MKX: variants seen among roughly 807,000 people sequenced by gnomAD.
The protein encoded by MKX is homeobox protein Mohawk.
Under a neutral mutation model 36.0 loss-of-function variants are expected in MKX, and 13 were observed. That is an observed-to-expected ratio of 0.36 (90% CI 0.24 to 0.57). The LOEUF is 0.57. Ranked by LOEUF, MKX falls within the 20% of genes least tolerant of loss-of-function variation. MKX has a pLI of 0.79. For synonymous variants in MKX, 176 were observed against 178.3 expected, an observed-to-expected ratio of 0.99 and a Z score of 0.10; for missense variants, 458 against 456.4, an observed-to-expected ratio of 1.00 and a Z score of -0.03.
intron 5 of MKX, among the ~76,000 whole-genome samples, chr10:27,693,955 G>A (rs1245449937): frequency 6.6e-6 from 1 of 152,106 alleles, no homozygotes; most frequent in East Asian, 1.9e-4. Context: ...TCATGGTAGT[G>A]AATAAGTCTC....
intron 5 of MKX, among the ~76,000 whole-genome samples, chr10:27,714,150 G>A (rs959849000): frequency 2.6e-5 from 4 of 152,090 alleles, no homozygotes; most frequent in Non-Finnish European, 4.4e-5. Flanking sequence ...AACCAGGCTC[G>A]CTGGTACTAC....
intron 5 of MKX, among the ~76,000 whole-genome samples, chr10:27,691,606 A>C (rs1483282719): frequency 6.6e-6 from 1 of 152,198 alleles, no homozygotes; most frequent in Non-Finnish European, 1.5e-5. Context: ...TTTGTTACAC[A>C]GGTATATTGT....
chr10:27,730,887 C>G (rs189683516), intron 5 of MKX, among the ~76,000 whole-genome samples: 3 of 151,980 alleles, frequency 2.0e-5, no homozygotes, highest in Non-Finnish European at 4.4e-5. Flanking sequence ...GTAATCCCAG[C>G]ACTTTGGGAG....
chr10:27,687,449 G>A (rs768461974), intron 5 of MKX, among the ~76,000 whole-genome samples: 2 of 152,148 alleles, frequency 1.3e-5, no homozygotes, highest in East Asian at 1.9e-4. Flanking sequence ...CCAATGCCTC[G>A]GGTCGATGTG....
intron 5 of MKX, among the ~76,000 whole-genome samples, chr10:27,706,417 C>T (rs546960594): frequency 1.3e-5 from 2 of 152,220 alleles, no homozygotes; most frequent in South Asian, 4.1e-4. Context: ...ATTGCTGGAT[C>T]ATATGTCAAC....
At chr10:27,690,979 C>T (rs1836443861) in intron 5 of MKX, among the ~76,000 whole-genome samples, 1 of 152,112 alleles carries the variant, frequency 6.6e-6, no homozygotes, top group Non-Finnish European at 1.5e-5. Flanking sequence ...ATTTTCCCTG[C>T]TCTTGCTCAC....
intron 5 of MKX, among the ~76,000 whole-genome samples, chr10:27,719,485 T>C (rs1034896770): frequency 1.3e-5 from 2 of 152,072 alleles, no homozygotes; most frequent in Non-Finnish European, 2.9e-5. Context: ...CTACAAATGC[T>C]CTTTAAATAG....
chr10:27,693,715 G>A (rs1220348653), intron 5 of MKX, among the ~76,000 whole-genome samples: 2 of 152,188 alleles, frequency 1.3e-5, no homozygotes, highest in Non-Finnish European at 2.9e-5. Context: ...AAAAGTTACT[G>A]ATTTAGAGAA....
Position 27,685,443 on chromosome 10 carries a change from ATTT to A in MKX, c.839-9892_839-9890del, listed in dbSNP as rs529959736. ...TCTTCTTTATACTTTCAGCAGAGTG[ATTT>A]TTTTTTTTTTTTTTTTTTTTGAGAC... On this transcript the variant is annotated intron_variant, in intron 5 of 6. Coordinates refer to ENST00000419761, the MANE Select transcript of MKX (RefSeq NM_173576.3). Among the ~76,000 whole-genome samples the A allele has an allele frequency of 3.1e-3, 345 of 112,818 alleles. 2 individuals carry two copies. The highest frequency in any genetic ancestry group is 9.3e-3 in the Middle Eastern group (2 of 214). 74.0% of individuals were successfully genotyped at this position (112,818 alleles called of 152,430 possible).
intron 5 of MKX, among the ~76,000 whole-genome samples, chr10:27,724,333 T>G (rs986076571): frequency 6.6e-6 from 1 of 152,080 alleles, no homozygotes; most frequent in East Asian, 1.9e-4. Context: ...CCGGAAGACA[T>G]GAAAAAAGTG....
intron 5 of MKX, 110 bp downstream of exon 5, chr10:27,734,346 A>G (rs1225030779): frequency 2.1e-6 from 2 of 963,292 alleles, no homozygotes; most frequent in African/African-American, 3.3e-5. Flanking sequence ...TATGGGCAAT[A>G]TGTGAATAAT....
chr10:27,685,401 A>T (rs1002050049), intron 5 of MKX, among the ~76,000 whole-genome samples: 5 of 151,870 alleles, frequency 3.3e-5, no homozygotes, highest in Admixed American at 6.6e-5. Context: ...AGGGAATTCA[A>T]GTAAGTTGTC....
intron 5 of MKX, among the ~76,000 whole-genome samples, chr10:27,697,718 C>T (rs1348935053): frequency 1.3e-5 from 2 of 152,208 alleles, no homozygotes; most frequent in African/African-American, 2.4e-5. Context: ...GGCACTGTGA[C>T]AGGCCCTCAA....
chr10:27,694,321 C>A (rs1304046244), intron 5 of MKX, among the ~76,000 whole-genome samples: 1 of 151,872 alleles, frequency 6.6e-6, no homozygotes, highest in Admixed American at 6.6e-5. Flanking sequence ...CAAACCAGAT[C>A]CATTTATCTA....
chr10:27,704,056 T>C (rs1250605499), intron 5 of MKX, among the ~76,000 whole-genome samples: 2 of 152,186 alleles, frequency 1.3e-5, no homozygotes, highest in Non-Finnish European at 2.9e-5. Flanking sequence ...CTTTCTTATA[T>C]AAAAAGCAGT....
At chr10:27,723,485 C>A (rs1834423302) in intron 5 of MKX, among the ~76,000 whole-genome samples, 1 of 152,192 alleles carries the variant, frequency 6.6e-6, no homozygotes, top group African/African-American at 2.4e-5. Flanking sequence ...TCATATCACT[C>A]AATCTTGGTT....
intron 5 of MKX, among the ~76,000 whole-genome samples, chr10:27,723,535 A>G (rs1189357049): frequency 6.6e-6 from 1 of 152,232 alleles, no homozygotes; most frequent in East Asian, 1.9e-4. Context: ...ACAGCCAGCC[A>G]CAATATTGCA....
Position 27,674,310 on chromosome 10 carries a change from T to A in MKX, c.*919A>T, listed in dbSNP as rs1589645704. The A allele has an allele frequency of 6.6e-6, 1 of 152,586 alleles. No individual in the cohort carries two copies. Among genetic ancestry groups the A allele is most frequent in the South Asian group, 2.1e-4 (1 of 4,836 alleles). The allele number at this position is 152,586 out of a possible 1,614,324, so 9.5% of individuals were successfully genotyped here. A position where few individuals can be genotyped will look rare whatever the true frequency, so the allele number is the denominator to read the frequency against. On this transcript the variant is annotated 3_prime_UTR_variant, in exon 7 of 7. Coordinates refer to ENST00000419761, the MANE Select transcript of MKX (RefSeq NM_173576.3). ...CAAATTGTCCATCAGCAATTGTAATTTGAAACAAACCAAATAAAAGATTTT... is the reference window on the plus strand; with the variant it reads ...CAAATTGTCCATCAGCAATTGTAATATGAAACAAACCAAATAAAAGATTTT...
rs1836099900 is a variant in MKX, at chr10:27,674,172, C to A, written c.*1057G>T. ...AATGTCCAACTTGGCAAAATTCAAA[C>A]TGTTCAATGTTTTGTTTTCCATATG... On this transcript the variant is annotated 3_prime_UTR_variant, in exon 7 of 7. Transcript: ENST00000419761. 6.6e-6 allele frequency: 1 copy of A among 152,158 alleles called. No homozygotes were observed. The highest frequency in any genetic ancestry group is 2.4e-5 in the African/African-American group (1 of 41,454). 9.4% of individuals were successfully genotyped at this position (152,158 alleles called of 1,614,324 possible). A position where few individuals can be genotyped will look rare whatever the true frequency, so the allele number is the denominator to read the frequency against.
Sources: allele counts gnomAD v4.1 joint callset (sites outside exome capture counted in the v4.1 genomes callset), GRCh38; gene constraint gnomAD v4.1.1; transcripts MANE v1.5; gene names NCBI Gene and HGNC (gene_info 2026-07-23, HGNC 2026-07-21).